The following L3HYPDH variants were observed in gnomAD, a reference collection of about 807,000 sequenced individuals.
L3HYPDH encodes trans-3-hydroxy-L-proline dehydratase.
Under a neutral mutation model 26.5 loss-of-function variants are expected in L3HYPDH, and 32 were observed. The ratio of observed to expected loss-of-function variants is 1.21; its 90% CI spans 0.91 to 1.62. L3HYPDH has a LOEUF of 1.62. Among genes scored for constraint, L3HYPDH ranks in the 40% most tolerant of loss-of-function variants. The probability of loss-of-function intolerance (pLI) is 0.00; values close to 1 mark genes in which losing one functional copy is unlikely to be tolerated. For synonymous variants in L3HYPDH, 215 were observed against 196.6 expected (o/e 1.09, Z -0.78); for missense variants, 554 against 476.4 (o/e 1.16, Z -1.52).
At chr14:59,483,767 G>C in intron 1 of L3HYPDH, 42 bp downstream of exon 1, 2 of 1,580,624 alleles carry the variant, frequency 1.3e-6, no homozygotes, top group Non-Finnish European at 1.7e-6. Context: ...GTCGCGTCCC[G>C]GTTGCAGCTC....
At chr14:59,486,601 A>G, upstream of L3HYPDH, 3 of 718,112 alleles carry the variant, frequency 4.2e-6, no homozygotes, top group Admixed American at 2.7e-5. Flanking sequence ...TGTCTAATAC[A>G]TATTATTCAA....
chr14:59,485,399 G>C (rs1890468388), upstream of L3HYPDH: 1 of 326,064 alleles, frequency 3.1e-6, no homozygotes, highest in Non-Finnish European at 5.5e-6. Flanking sequence ...TCCGAAATTT[G>C]TTAAAAGCGA....
chr14:59,491,384 G>A, the L3HYPDH span, among the ~76,000 whole-genome samples: 1 of 152,196 alleles, frequency 6.6e-6, no homozygotes, highest in African/African-American at 2.4e-5. Context: ...ATTTTGTAAA[G>A]ATTATGTGTC....
upstream of L3HYPDH, chr14:59,487,592 G>A: frequency 1.0e-6 from 1 of 988,118 alleles, no homozygotes; most frequent in Non-Finnish European, 1.6e-6. Flanking sequence ...ACTGAAATGG[G>A]ATGTCTTATA....
the L3HYPDH span, chr14:59,504,172 C>A: frequency 1.4e-6 from 1 of 695,338 alleles, no homozygotes; most frequent in Non-Finnish European, 2.4e-6. Context: ...TATATGGGAA[C>A]AAGATTGTCA....
chr14:59,479,819 T>C (rs1176812980), intron 1 of L3HYPDH, among the ~76,000 whole-genome samples: 3 of 152,236 alleles, frequency 2.0e-5, no homozygotes, highest in African/African-American at 7.2e-5. Context: ...ATAAAAGATT[T>C]TTCTATATAA....
In L3HYPDH at chr14:59,484,093, A is replaced by G; in HGVS notation, c.224T>C (p.Met75Thr). 2 of 1,606,408 alleles carry G rather than the reference A, an allele frequency of 1.2e-6. No individual in the cohort carries two copies. Among genetic ancestry groups the G allele is most frequent in the South Asian group, 2.2e-5 (2 of 90,908 alleles). ...GCTCGGGACTAGGACCGCCCCGTAC[A>G]TGTCCCGGTGCCCTCGGGGCTCGAA... ...LMFEPRGHRDMYGAVLVPSEL... is the reference protein window; with the variant it reads ...LMFEPRGHRDTYGAVLVPSEL... Residue 75 changes from methionine (M) to threonine (T), a missense_variant, in exon 1 of 5, where the codon ATG becomes ACG. Physicochemically the swap from Met to Thr is moderately conservative, Grantham distance 81 (BLOSUM62 -1). Transcript: ENST00000247194.
At chr14:59,478,967 T>G (rs1029254828) in intron 2 of L3HYPDH, 10 of 420,080 alleles carry the variant, frequency 2.4e-5, no homozygotes, top group Non-Finnish European at 3.7e-5. Context: ...ACAAAATTTG[T>G]GTTGGGCCAC....
At chr14:59,504,346 T>G in the L3HYPDH span, 2 of 384,874 alleles carry the variant, frequency 5.2e-6, no homozygotes, top group Non-Finnish European at 9.3e-6. Context: ...AGCTGTTCTT[T>G]AGGGCAAAAT....
At chr14:59,487,828 G>T, upstream of L3HYPDH, 1 of 1,613,000 alleles carries the variant, frequency 6.2e-7, no homozygotes, top group Non-Finnish European at 8.5e-7. Context: ...GGGAAAAAGA[G>T]GTTAGCACAT....
chr14:59,474,493 A>AC lies in L3HYPDH; in HGVS notation c.939+1375dup, dbSNP rs1357263139. The AC allele has an allele frequency of 7.1e-6, 5 of 699,652 alleles. No homozygotes were observed. In the Admixed American group the frequency reaches 8.1e-5, roughly 11 times the overall value. The allele number at this position is 699,652 out of a possible 1,614,324, so 43.3% of individuals were successfully genotyped here. A position where few individuals can be genotyped will look rare whatever the true frequency, so the allele number is the denominator to read the frequency against. ...CTCGGCTCCCTCTCTATTTGGGGGG[A>AC]CATTGCAATCCCAGATTCTTCTCAT... On this transcript the variant is annotated intron_variant, in intron 4 of 4. Transcript: ENST00000247194.
the L3HYPDH span, among the ~76,000 whole-genome samples, chr14:59,501,976 G>A: frequency 2.6e-5 from 4 of 152,006 alleles, no homozygotes; most frequent in South Asian, 2.1e-4. Context: ...ATATCATAAC[G>A]TTTATATTTT....
chr14:59,487,995 A>G (rs533036991), upstream of L3HYPDH, among the ~76,000 whole-genome samples: 53 of 152,324 alleles, frequency 3.5e-4, no homozygotes, highest in African/African-American at 1.3e-3. Flanking sequence ...ACAATAGGGC[A>G]TGACTTAGTA....
chr14:59,492,063 C>T, the L3HYPDH span, among the ~76,000 whole-genome samples: 1 of 152,152 alleles, frequency 6.6e-6, no homozygotes, highest in Non-Finnish European at 1.5e-5. Flanking sequence ...GTACATGCAA[C>T]AAACAATATA....
chr14:59,465,773 A>G (rs1462421639), intron 1 of L3HYPDH, among the ~76,000 whole-genome samples: 1 of 152,250 alleles, frequency 6.6e-6, no homozygotes, highest in East Asian at 1.9e-4. Flanking sequence ...ACATCCAGAC[A>G]TCTTAAACTT....
chr14:59,500,439 C>T, the L3HYPDH span, among the ~76,000 whole-genome samples: 4 of 151,998 alleles, frequency 2.6e-5, no homozygotes, highest in African/African-American at 9.7e-5. Flanking sequence ...AAATTTGAAA[C>T]ATTTTAAGAG....
chr14:59,484,932 C>T, upstream of L3HYPDH: 1 of 1,472,002 alleles, frequency 6.8e-7, no homozygotes, highest in Non-Finnish European at 8.9e-7. Flanking sequence ...GCAGAAAAAA[C>T]AGTAAAGCAG....
chr14:59,501,790 A>G, the L3HYPDH span, among the ~76,000 whole-genome samples: 1 of 152,162 alleles, frequency 6.6e-6, no homozygotes, highest in Admixed American at 6.5e-5. Flanking sequence ...TTATTCTGAT[A>G]CTGTTACTTT....
Position 59,483,813 on chromosome 14 carries a change from G to T in L3HYPDH, c.504C>A (p.Ala168=). ...TGGAAAGGTCCCGCCCATTACCTGT[G>T]GCCAGCACGAAGGCCGGGACGCTGT... ...RFHSVPAFVL[A]TDLMVDVPGH... is the part of the protein sequence containing the mutation. Residue 168 remains alanine (A), a synonymous_variant, in exon 1 of 5, where the codon GCC becomes GCA. Transcript: ENST00000247194. 1 of 1,593,330 alleles carries T rather than the reference G, an allele frequency of 6.3e-7. No individual in the cohort carries two copies. Among genetic ancestry groups the T allele is most frequent in the Non-Finnish European group, 8.5e-7 (1 of 1,177,196 alleles).
Sources: allele counts gnomAD v4.1 joint callset (sites outside exome capture counted in the v4.1 genomes callset), GRCh38; gene constraint gnomAD v4.1.1; transcripts MANE v1.5; gene names NCBI Gene and HGNC (gene_info 2026-07-23, HGNC 2026-07-21).